The following PLCG2 variants were observed in gnomAD, a reference collection of about 807,000 sequenced individuals.
The protein encoded by PLCG2 is phospholipase C gamma 2, also known as 1-phosphatidylinositol 4,5-bisphosphate phosphodiesterase gamma-2.
PLCG2 carries 69 observed loss-of-function variants against 175.6 expected under a neutral mutation model. That is an observed-to-expected ratio of 0.39 (90% CI 0.32 to 0.48). PLCG2 has a LOEUF of 0.48. PLCG2 is among the 20% of genes least tolerant of loss of function. PLCG2 has a pLI of 0.91. For missense variants in PLCG2, 1,798 were observed against 1,650.9 expected, an observed-to-expected ratio of 1.09 and a Z score of -1.54; for synonymous variants, 827 against 624.0, an observed-to-expected ratio of 1.33 and a Z score of -4.85.
At chr16:81,914,784 G>C (rs1909771361) in intron 19 of PLCG2, among the ~76,000 whole-genome samples, 1 of 152,234 alleles carries the variant, frequency 6.6e-6, no homozygotes, top group African/African-American at 2.4e-5. Context: ...GGATGTAGTT[G>C]GTGGTTGGTG....
chr16:81,906,340 A>G (rs1031427447), intron 15 of PLCG2: 2 of 152,128 alleles, frequency 1.3e-5, no homozygotes, highest in Admixed American at 6.5e-5. Flanking sequence ...CCCTTTACCT[A>G]ATGTGTATAT....
intron 2 of PLCG2, among the ~76,000 whole-genome samples, chr16:81,795,967 G>C (rs1225791471): frequency 6.6e-6 from 1 of 152,324 alleles, no homozygotes; most frequent in South Asian, 2.1e-4. Context: ...CCTAAGTTGG[G>C]GGGCATCCTT....
rs568929557 is a variant in PLCG2 at position 81,962,055 on chromosome 16, G to A, written c.*4057G>A. The A allele has an allele frequency of 1.4e-4, 26 of 189,146 alleles. No individual in the cohort carries two copies. In the East Asian group the frequency reaches 1.9e-3, roughly 14 times the overall value. The allele number at this position is 189,146 out of a possible 1,614,324, so 11.7% of individuals were successfully genotyped here. A position where few individuals can be genotyped will look rare whatever the true frequency, so the allele number is the denominator to read the frequency against. On this transcript the variant is annotated 3_prime_UTR_variant, in exon 33 of 33. Transcript: ENST00000564138. ...CTCCATGTGCGTCCCTCCCGAAGCT[G>A]CGCGCTCCGTCGAAGAGGACGACCA... is the stretch of plus-strand genomic sequence containing the variant.
At chr16:81,931,307 A>G in intron 24 of PLCG2, 190 bp from the exon 25 acceptor site, 1 of 479,728 alleles carries the variant, frequency 2.1e-6, no homozygotes, top group South Asian at 4.1e-5. Context: ...TACTGAATCT[A>G]CTGCATCCCT....
chr16:81,797,837 CTTT>C (rs35558572), intron 2 of PLCG2, among the ~76,000 whole-genome samples: 1 of 145,592 alleles, frequency 6.9e-6, no homozygotes. Context: ...TTTTTCTTGT[CTTT>C]TTTTTTTTTG....
chr16:81,917,509 C>T (rs1318323054), intron 19 of PLCG2, among the ~76,000 whole-genome samples: 1 of 152,124 alleles, frequency 6.6e-6, no homozygotes. Context: ...TACAGTCCCA[C>T]CCACCAGGTG....
chr16:81,897,147 C>A (rs1309667680), intron 13 of PLCG2, among the ~76,000 whole-genome samples: 2 of 152,202 alleles, frequency 1.3e-5, no homozygotes, highest in African/African-American at 4.8e-5. Context: ...AAATAGATGG[C>A]AGGCCAGATT....
chr16:81,833,849 C>T (rs1221228909), intron 2 of PLCG2, among the ~76,000 whole-genome samples: 2 of 152,150 alleles, frequency 1.3e-5, no homozygotes, highest in Admixed American at 1.3e-4. Flanking sequence ...CGCCCGGCCT[C>T]CTGTGTGTCT....
chr16:81,802,117 T>C lies in PLCG2; in HGVS notation c.193+15935T>C, dbSNP rs1387602588. 2.9e-3 allele frequency among the ~76,000 whole-genome samples: 256 copies of C among 88,160 alleles called. 14 individuals carry two copies. Among genetic ancestry groups the C allele is most frequent in the Admixed American group, 0.026 (237 of 8,962 alleles). The allele number at this position is 88,160 out of a possible 152,430, so 57.8% of individuals were successfully genotyped here. On this transcript the variant is annotated intron_variant, in intron 2 of 32. Coordinates refer to ENST00000564138, the MANE Select transcript of PLCG2 (RefSeq NM_002661.5). ...TCTTTTTTTTTTTTTTTTTTTTTTTTTTTTTTTTTTTTTTGAGACGGATCT... is the reference window on the plus strand; with the variant it reads ...TCTTTTTTTTTTTTTTTTTTTTTTTCTTTTTTTTTTTTTTGAGACGGATCT...
intron 7 of PLCG2, among the ~76,000 whole-genome samples, chr16:81,873,742 C>A (rs1255344031): frequency 6.6e-6 from 1 of 151,762 alleles, no homozygotes; most frequent in Non-Finnish European, 1.5e-5. Context: ...CTAGCCTGGG[C>A]AACATAGTGA....
chr16:81,929,208 C>A (rs1312900849), intron 24 of PLCG2, among the ~76,000 whole-genome samples: 1 of 152,132 alleles, frequency 6.6e-6, no homozygotes, highest in Non-Finnish European at 1.5e-5. Context: ...GGGTCTTGAG[C>A]CTGCCTGCTT....
At chr16:81,942,749 G>T (rs1006601388) in intron 30 of PLCG2, among the ~76,000 whole-genome samples, 1 of 152,148 alleles carries the variant, frequency 6.6e-6, no homozygotes, top group African/African-American at 2.4e-5. Flanking sequence ...GACCAGAGCT[G>T]AGATTCAAAC....
At position 81,826,574 on chromosome 16, in the gene PLCG2, T is replaced by C. The variant is rs1001986949; in HGVS notation, c.194-27870T>C. Reference sequence around the variant, plus strand: ...AGAATAACACATGTTCAGTCAGTGATAGTGGTGGTTGTTGGAGGAAGCTTC... The same window carrying C: ...AGAATAACACATGTTCAGTCAGTGACAGTGGTGGTTGTTGGAGGAAGCTTC... On this transcript the variant is annotated intron_variant, in intron 2 of 32. Coordinates refer to ENST00000564138, the MANE Select transcript of PLCG2 (RefSeq NM_002661.5). 2.0e-5 allele frequency among the ~76,000 whole-genome samples: 3 copies of C among 152,238 alleles called. No homozygotes were observed. In the East Asian group the frequency reaches 5.8e-4, roughly 29 times the overall value.
chr16:81,948,201 C>G (rs1369606766), intron 31 of PLCG2, among the ~76,000 whole-genome samples: 2 of 152,218 alleles, frequency 1.3e-5, no homozygotes, highest in African/African-American at 4.8e-5. Context: ...TTTTTATCTG[C>G]ATGTCAAATT....
chr16:81,934,789 C>G (rs1053479874), intron 26 of PLCG2, among the ~76,000 whole-genome samples: 4 of 151,600 alleles, frequency 2.6e-5, no homozygotes, highest in African/African-American at 9.7e-5. Context: ...GTTTAATGGA[C>G]TCACAGTTCC....
At position 81,740,097 on chromosome 16, in the gene PLCG2, C is replaced by T. The variant is rs73604529; in HGVS notation, c.-145+712C>T. Among the ~76,000 whole-genome samples the T allele has an allele frequency of 6.0e-3, 783 of 130,680 alleles. 6 individuals are homozygous for T. Among genetic ancestry groups the T allele is most frequent in the African/African-American group, 0.023 (753 of 32,900 alleles). The allele number at this position is 130,680 out of a possible 152,430, so 85.7% of individuals were successfully genotyped here. On this transcript the variant is annotated intron_variant, in intron 1 of 5. Coordinates refer to the PLCG2 transcript ENST00000565054. ...GGGTTGCAGTGAGCTGAGACAGCGC[C>T]AGTGCATACCAGCCTGGGTAACAAA...
At chr16:81,819,831 G>A (rs983621471) in intron 2 of PLCG2, among the ~76,000 whole-genome samples, 8 of 152,108 alleles carry the variant, frequency 5.3e-5, no homozygotes, top group Admixed American at 5.2e-4. Context: ...TGATCTGCCC[G>A]CCTCAGCCTC....
chr16:81,946,171 T>A lies in PLCG2; in HGVS notation c.3482-4T>A, dbSNP rs1186279392. The A allele has an allele frequency of 6.2e-7, 1 of 1,612,190 alleles. No individual in the cohort carries two copies. Among genetic ancestry groups the A allele is most frequent in the Non-Finnish European group, 8.5e-7 (1 of 1,178,440 alleles). ...TTTGCATTTTCCTCCTTGTTCTGCT[T>A]CAGGATTCAGGTCCGTTCCTCTGAA... On this transcript the variant is annotated splice_region_variant and splice_polypyrimidine_tract_variant and intron_variant, in intron 30 of 32. Coordinates refer to ENST00000564138, the MANE Select transcript of PLCG2 (RefSeq NM_002661.5).
intron 2 of PLCG2, among the ~76,000 whole-genome samples, chr16:81,841,235 TATTTATTTATTTATTTA>T (rs1905812409): frequency 6.6e-6 from 1 of 151,110 alleles, no homozygotes; most frequent in Non-Finnish European, 1.5e-5. Flanking sequence ...TTTATTTATT[TATTTATTTATTTATTTA>T]TTGAGATAGA....
Sources: gnomAD v4.1 joint callset for allele counts (sites outside exome capture counted in the v4.1 genomes callset) on GRCh38, gnomAD v4.1.1 for gene constraint, MANE v1.5 for transcripts, NCBI Gene and HGNC (gene_info 2026-07-23, HGNC 2026-07-21) for gene names.